Variants in FBN2 observed in about 807,000 individuals in gnomAD.
FBN2 encodes the protein fibrillin-2.
FBN2 carries 105 observed loss-of-function variants against 355.6 expected under a neutral mutation model. That is an observed-to-expected ratio of 0.30 (90% CI 0.25 to 0.35). FBN2 has a LOEUF of 0.35. Ranked by LOEUF, FBN2 falls within the 10% of genes least tolerant of loss-of-function variation. The probability of loss-of-function intolerance (pLI) is 1.00; values close to 1 mark genes in which losing one functional copy is unlikely to be tolerated. For synonymous variants in FBN2, 1,350 were observed against 1,301.2 expected (o/e 1.04, Z -0.81); for missense variants, 3,280 against 3,758.7 (o/e 0.87, Z 3.33).
chr5:128,299,619 G>C (rs1358548205), intron 48 of FBN2, among the ~76,000 whole-genome samples: 5 of 152,142 alleles, frequency 3.3e-5, no homozygotes, highest in African/African-American at 1.2e-4. Context: ...CTTTGACTAG[G>C]AAAGGGAACT....
intron 7 of FBN2, among the ~76,000 whole-genome samples, chr5:128,412,015 T>C (rs1469348489): frequency 2.0e-5 from 3 of 152,182 alleles, no homozygotes; most frequent in African/African-American, 7.2e-5. Context: ...AGTCTGCTCA[T>C]GGGAAAAAGC....
At chr5:128,513,051 TA>T in intron 5 of FBN2, among the ~76,000 whole-genome samples, 1 of 152,220 alleles carries the variant, frequency 6.6e-6, no homozygotes, top group Non-Finnish European at 1.5e-5. Flanking sequence ...GCCTGTGTTC[TA>T]AAAATACAAC....
At chr5:128,527,534 T>C (rs1756593189) in intron 4 of FBN2, among the ~76,000 whole-genome samples, 1 of 151,934 alleles carries the variant, frequency 6.6e-6, no homozygotes, top group South Asian at 2.1e-4. Context: ...CACAGAAAAC[T>C]TGCTCTTTTT....
chr5:128,269,731 AC>A (rs1353408112), intron 62 of FBN2, among the ~76,000 whole-genome samples: 2 of 152,228 alleles, frequency 1.3e-5, no homozygotes, highest in African/African-American at 4.8e-5. Flanking sequence ...ATAAGAGAGG[AC>A]ACAAATGAAT....
intron 30 of FBN2, 38 bp from the exon 31 acceptor site, chr5:128,334,882 T>A (rs1750794133): frequency 6.4e-7 from 1 of 1,564,726 alleles, no homozygotes; most frequent in Admixed American, 1.7e-5. Context: ...TATGTGCTCA[T>A]CACAGTAATT....
At chr5:128,488,186 A>G (rs1269276964) in intron 5 of FBN2, among the ~76,000 whole-genome samples, 1 of 142,074 alleles carries the variant, frequency 7.0e-6, no homozygotes, top group Non-Finnish European at 1.5e-5. Context: ...CAATGAACCC[A>G]GACTCAAGAA....
At chr5:128,394,000 T>C (rs976878609) in intron 9 of FBN2, among the ~76,000 whole-genome samples, 2 of 152,176 alleles carry the variant, frequency 1.3e-5, no homozygotes, top group African/African-American at 4.8e-5. Flanking sequence ...AAAAAAATTA[T>C]TAATTATATA....
intron 5 of FBN2, among the ~76,000 whole-genome samples, chr5:128,495,805 C>T (rs1755641012): frequency 6.6e-6 from 1 of 151,900 alleles, no homozygotes; most frequent in South Asian, 2.1e-4. Context: ...CTAACATCAA[C>T]AATGAAAGAG....
intron 6 of FBN2, among the ~76,000 whole-genome samples, chr5:128,456,150 T>TCA (rs1194897029): frequency 6.6e-6 from 1 of 152,050 alleles, no homozygotes; most frequent in African/African-American, 2.4e-5. Flanking sequence ...AGACTTGTCC[T>TCA]CACAGCCCAA....
At chr5:128,311,508 C>A in intron 38 of FBN2, 83 bp from the exon 39 acceptor site, 1 of 1,460,526 alleles carries the variant, frequency 6.8e-7, no homozygotes, top group Non-Finnish European at 9.5e-7. Flanking sequence ...AAAGTGTGAT[C>A]TTGTAAGAAT....
rs188468274 is a variant in FBN2, at chr5:128,475,990, C to T, written c.629-11069G>A. Among the ~76,000 whole-genome samples, 104 of 152,252 alleles carry T rather than the reference C, an allele frequency of 6.8e-4. 1 individual carries two copies. The highest frequency in any genetic ancestry group is 2.5e-3 in the African/African-American group (104 of 41,556). On this transcript the variant is annotated intron_variant, in intron 5 of 64. Transcript: ENST00000262464. ...AAGACTCGCTAGTAAATTATTCCTA[C>T]AATCTCAATTTGGGACCAGGATGAG... is the stretch of plus-strand genomic sequence containing the variant.
intron 6 of FBN2, among the ~76,000 whole-genome samples, chr5:128,449,285 C>T (rs920430199): frequency 4.1e-5 from 6 of 147,696 alleles, no homozygotes; most frequent in Non-Finnish European, 9.0e-5. Flanking sequence ...TGGCATTATA[C>T]TATTATACTA....
At chr5:128,499,710 T>C (rs1236165804) in intron 5 of FBN2, among the ~76,000 whole-genome samples, 1 of 152,150 alleles carries the variant, frequency 6.6e-6, no homozygotes, top group African/African-American at 2.4e-5. Flanking sequence ...AAACAAGAAA[T>C]TACTTGTAAA....
intron 62 of FBN2, among the ~76,000 whole-genome samples, chr5:128,271,429 G>A (rs563501406): frequency 1.4e-4 from 22 of 152,306 alleles, no homozygotes; most frequent in African/African-American, 4.3e-4. Flanking sequence ...GAATTTCAGC[G>A]ACTATTATCA....
intron 15 of FBN2, among the ~76,000 whole-genome samples, chr5:128,372,127 A>G (rs1244937650): frequency 1.3e-5 from 2 of 152,244 alleles, no homozygotes; most frequent in Non-Finnish European, 2.9e-5. Context: ...ACAACAAAAG[A>G]GGAAAGGAGG....
chr5:128,532,788 G>A (rs6884038), intron 2 of FBN2, among the ~76,000 whole-genome samples: 6,258 of 152,272 alleles, frequency 0.041, 394 homozygotes, highest in African/African-American at 0.13. Flanking sequence ...GCTCATGTCT[G>A]TAATCCCAGC....
chr5:128,339,169 T>A, intron 25 of FBN2, 108 bp from the exon 26 acceptor site: 3 of 1,122,252 alleles, frequency 2.7e-6, no homozygotes, highest in African/African-American at 1.5e-5. Flanking sequence ...TGGCTAACAG[T>A]ACAAGGGTAT....
In FBN2 at chr5:128,393,008, CACAA is replaced by C. The variant is rs532780351; in HGVS notation, c.1465+123_1465+126del. 5.8e-4 allele frequency: 465 copies of C among 802,074 alleles called. No individual in the cohort carries two copies. In the African/African-American group the frequency reaches 7.3e-3, roughly 13 times the overall value. The allele number at this position is 802,074 out of a possible 1,614,324, so 49.7% of individuals were successfully genotyped here. A position where few individuals can be genotyped will look rare whatever the true frequency, so the allele number is the denominator to read the frequency against. On this transcript the variant is annotated intron_variant, in intron 10 of 64. Coordinates refer to ENST00000262464, the MANE Select transcript of FBN2 (RefSeq NM_001999.4). ...CCTCTGTCTCTCTCTCTCTCGCACC[CACAA>C]ACACACACACACATGTGCAAGTGTG...
At chr5:128,443,645 C>A (rs974822069) in intron 7 of FBN2, among the ~76,000 whole-genome samples, 5 of 152,132 alleles carry the variant, frequency 3.3e-5, no homozygotes, top group African/African-American at 1.2e-4. Context: ...AAATACTGAA[C>A]TTACTTTTCT....
Sources: gnomAD v4.1 joint callset for allele counts (sites outside exome capture counted in the v4.1 genomes callset) on GRCh38, gnomAD v4.1.1 for gene constraint, MANE v1.5 for transcripts, NCBI Gene and HGNC (gene_info 2026-07-23, HGNC 2026-07-21) for gene names.